Variants in GRM7 observed in about 807,000 individuals in gnomAD.
GRM7 encodes metabotropic glutamate receptor 7.
Under a neutral mutation model 84.5 loss-of-function variants are expected in GRM7, and 35 were observed. The ratio of observed to expected loss-of-function variants is 0.41; its 90% confidence interval spans 0.32 to 0.55. The LOEUF is 0.55. GRM7 is among the 20% of genes least tolerant of loss of function. The probability of loss-of-function intolerance (pLI) is 0.19; values close to 1 mark genes in which losing one functional copy is unlikely to be tolerated. For synonymous variants in GRM7, 487 were observed against 455.1 expected (o/e 1.07, Z -0.89); for missense variants, 1,003 against 1,194.6 (o/e 0.84, Z 2.36).
intron 1 of GRM7, among the ~76,000 whole-genome samples, chr3:6,933,415 T>C (rs892497069): frequency 1.3e-5 from 2 of 152,146 alleles, no homozygotes; most frequent in Non-Finnish European, 2.9e-5. Context: ...CATGTATACA[T>C]AGAAGCAGAA....
chr3:7,018,995 G>A (rs1014516204), intron 1 of GRM7, among the ~76,000 whole-genome samples: 4 of 152,170 alleles, frequency 2.6e-5, no homozygotes, highest in Non-Finnish European at 5.9e-5. Flanking sequence ...TACTTGGTAG[G>A]ATGAGGCAGG....
chr3:7,308,159 A>C (rs978441134), intron 4 of GRM7, among the ~76,000 whole-genome samples: 4 of 152,170 alleles, frequency 2.6e-5, no homozygotes, highest in Non-Finnish European at 5.9e-5. Flanking sequence ...GTTCTTTAAG[A>C]ATGTTCCTAT....
chr3:7,455,124 C>T (rs1697950413), intron 6 of GRM7, among the ~76,000 whole-genome samples: 1 of 152,014 alleles, frequency 6.6e-6, no homozygotes, highest in Non-Finnish European at 1.5e-5. Context: ...TCTGGGACCC[C>T]AGTGGATTAT....
chr3:7,344,092 T>G (rs1159088133), intron 4 of GRM7, among the ~76,000 whole-genome samples: 1 of 147,024 alleles, frequency 6.8e-6, no homozygotes, highest in Non-Finnish European at 1.5e-5. Context: ...CAAATCATGT[T>G]TTTTTTTTTA....
chr3:7,418,201 T>C (rs777983991), intron 5 of GRM7, among the ~76,000 whole-genome samples: 1 of 152,188 alleles, frequency 6.6e-6, no homozygotes, highest in Non-Finnish European at 1.5e-5. Context: ...CTTTCCTTGA[T>C]ACCAAATCCC....
chr3:7,711,311 G>T (rs1171120288), intron 9 of GRM7, among the ~76,000 whole-genome samples: 2 of 152,122 alleles, frequency 1.3e-5, no homozygotes. Flanking sequence ...ACCTGGGAAG[G>T]TATTTCAGGC....
At chr3:7,629,090 A>AT (rs1559449824) in intron 8 of GRM7, among the ~76,000 whole-genome samples, 1 of 152,234 alleles carries the variant, frequency 6.6e-6, no homozygotes, top group Non-Finnish European at 1.5e-5. Context: ...TGTAAAAAAA[A>AT]GGAGATAACT....
chr3:7,249,788 A>G (rs1281880076), intron 2 of GRM7, among the ~76,000 whole-genome samples: 1 of 152,184 alleles, frequency 6.6e-6, no homozygotes, highest in African/African-American at 2.4e-5. Context: ...GAGACCAAAA[A>G]TAGCTTAATA....
intron 9 of GRM7, among the ~76,000 whole-genome samples, chr3:7,687,093 TAGTCATCA>T (rs3840232): frequency 0.94 from 142,280 of 151,718 alleles, 66,804 homozygotes; most frequent in African/African-American, 0.98. Flanking sequence ...GAACCAACTT[TAGTCATCA>T]AGTCATCACA....
chr3:7,544,837 A>G (rs1417712411), intron 7 of GRM7, among the ~76,000 whole-genome samples: 1 of 152,160 alleles, frequency 6.6e-6, no homozygotes, highest in African/African-American at 2.4e-5. Flanking sequence ...CAATTTGTAT[A>G]TCAATTTCTG....
chr3:7,636,759 C>G (rs190108209), intron 8 of GRM7, among the ~76,000 whole-genome samples: 3 of 152,192 alleles, frequency 2.0e-5, no homozygotes, highest in Non-Finnish European at 2.9e-5. Flanking sequence ...GGTAAAAGCT[C>G]AGCTCATGCC....
chr3:7,135,045 AAG>A (rs1207417331), intron 1 of GRM7, among the ~76,000 whole-genome samples: 7 of 152,202 alleles, frequency 4.6e-5, no homozygotes, highest in African/African-American at 1.7e-4. Flanking sequence ...TGAAGGAAAA[AAG>A]AGTTGCAATA....
chr3:7,001,876 C>T (rs899661794), intron 1 of GRM7, among the ~76,000 whole-genome samples: 6 of 152,166 alleles, frequency 3.9e-5, no homozygotes, highest in African/African-American at 1.4e-4. Context: ...GTCCCATCTG[C>T]ACATCGATTC....
intron 3 of GRM7, among the ~76,000 whole-genome samples, chr3:7,305,199 C>T (rs1003992733): frequency 1.3e-5 from 2 of 152,110 alleles, no homozygotes; most frequent in Non-Finnish European, 2.9e-5. Context: ...GTCATTCCCT[C>T]CCATCCCCAT....
At chr3:7,142,595 T>C (rs1445967913) in intron 1 of GRM7, among the ~76,000 whole-genome samples, 1 of 152,092 alleles carries the variant, frequency 6.6e-6, no homozygotes, top group African/African-American at 2.4e-5. Context: ...ATGTGGAAAT[T>C]ACGGGGATTA....
rs578237056 is a variant in GRM7 at position 7,116,142 on chromosome 3, C to A, written c.520-30310C>A. Among the ~76,000 whole-genome samples, 19 of 152,206 alleles carry A rather than the reference C, an allele frequency of 1.2e-4. 1 individual carries two copies. The South Asian group carries it at 3.7e-3, about 30-fold the overall frequency. ...GTTGTGTTGGACGGAAATACTCAGA[C>A]TGTACCAACAGAGTCTGGTGATGGT... On this transcript the variant is annotated intron_variant, in intron 1 of 9. Coordinates refer to ENST00000357716, the MANE Select transcript of GRM7 (RefSeq NM_000844.4).
chr3:7,207,489 C>T (rs1195271940), intron 2 of GRM7, among the ~76,000 whole-genome samples: 1 of 152,182 alleles, frequency 6.6e-6, no homozygotes, highest in Non-Finnish European at 1.5e-5. Context: ...ACCTTATCCC[C>T]TTCACATACA....
At chr3:7,109,994 A>G (rs1316033183) in intron 1 of GRM7, among the ~76,000 whole-genome samples, 3 of 152,140 alleles carry the variant, frequency 2.0e-5, no homozygotes, top group Non-Finnish European at 4.4e-5. Flanking sequence ...AAGCCAAACC[A>G]TTTTAACCTA....
chr3:7,611,779 A>G (rs1696857566), intron 8 of GRM7, among the ~76,000 whole-genome samples: 1 of 152,134 alleles, frequency 6.6e-6, no homozygotes, highest in South Asian at 2.1e-4. Context: ...ATCCCAGGTG[A>G]CCTACATATG....
Sources: allele counts gnomAD v4.1 joint callset (sites outside exome capture counted in the v4.1 genomes callset), GRCh38; gene constraint gnomAD v4.1.1; transcripts MANE v1.5; gene names NCBI Gene and HGNC (gene_info 2026-07-23, HGNC 2026-07-21).